Variants in KIFAP3 observed in about 807,000 individuals in gnomAD.
KIFAP3 encodes kinesin-associated protein 3.
In KIFAP3, 68 loss-of-function variants were observed where a neutral mutation model predicts 106.5. That is an observed-to-expected ratio of 0.64 (90% confidence interval 0.53 to 0.78). KIFAP3 has a LOEUF of 0.78. Among genes scored for constraint, KIFAP3 ranks in the 30% least tolerant of loss-of-function variants. The probability of loss-of-function intolerance (pLI) is 0.00; values close to 1 mark genes in which losing one functional copy is unlikely to be tolerated. For missense variants in KIFAP3, 780 were observed against 941.8 expected, an observed-to-expected ratio of 0.83 and a Z score of 2.25; for synonymous variants, 320 against 311.5, an observed-to-expected ratio of 1.03 and a Z score of -0.29.
At position 169,953,616 on chromosome 1, in the gene KIFAP3, G is replaced by A. The variant is rs542696748; in HGVS notation, c.2273+395C>T. ...TGTAAGCTCCGCCTCCCGGGTTCAC[G>A]CCATTCTCCCGCCTCAGCCTCCTGA... On this transcript the variant is annotated intron_variant, in intron 19 of 19. Coordinates refer to ENST00000361580, the MANE Select transcript of KIFAP3 (RefSeq NM_014970.4). 9.2e-5 allele frequency among the ~76,000 whole-genome samples: 14 copies of A among 152,184 alleles called. No homozygotes were observed. The East Asian group carries it at 1.2e-3, about 13-fold the overall frequency.
intron 7 of KIFAP3, 60 bp downstream of exon 7, chr1:170,034,312 C>A: frequency 6.6e-7 from 1 of 1,507,794 alleles, no homozygotes; most frequent in South Asian, 1.3e-5. Context: ...AACCATCCCA[C>A]CCATCCAAAA....
chr1:170,057,350 A>G (rs1265922660), intron 1 of KIFAP3, among the ~76,000 whole-genome samples: 1 of 150,522 alleles, frequency 6.6e-6, no homozygotes. Context: ...ATGCCTCACC[A>G]CTCCTTTTTA....
intron 17 of KIFAP3, among the ~76,000 whole-genome samples, chr1:169,965,192 T>A (rs1286171512): frequency 6.6e-6 from 1 of 152,074 alleles, no homozygotes; most frequent in African/African-American, 2.4e-5. Context: ...TTGAATGTTA[T>A]TTTTTTAAAG....
At chr1:170,066,105 C>T (rs1671429880) in intron 1 of KIFAP3, among the ~76,000 whole-genome samples, 2 of 144,836 alleles carry the variant, frequency 1.4e-5, no homozygotes, top group African/African-American at 2.5e-5. Context: ...TTTTAGTTAC[C>T]TTTTTTTTTT....
At chr1:170,003,669 T>G (rs867923918) in intron 10 of KIFAP3, among the ~76,000 whole-genome samples, 2 of 152,326 alleles carry the variant, frequency 1.3e-5, no homozygotes, top group South Asian at 4.1e-4. Context: ...TTCCTTCAGC[T>G]GTGGTGGGCT....
Position 169,992,235 on chromosome 1 carries a change from T to C in KIFAP3, c.1204A>G (p.Ile402Val), listed in dbSNP as rs1210350869. The change falls in exon 11 of 20, where the codon ATA (isoleucine) becomes GTA (valine). Residue 402 changes from isoleucine to valine, a missense_variant. Ile to Val is a conservative substitution (Grantham distance 29). This residue lies in a region of KIFAP3 where 588 missense variants were observed against 678.9 expected (regional missense o/e 0.87). Coordinates refer to ENST00000361580, the MANE Select transcript of KIFAP3 (RefSeq NM_014970.4). ...ATGTGGTAAAGAACACACATTGCTATTTGTTTGTAGTTGTCATTGCCTAGG... is the reference window on the plus strand; with the variant it reads ...ATGTGGTAAAGAACACACATTGCTACTTGTTTGTAGTTGTCATTGCCTAGG... ...ALLGNDNYKQ[I>V]AMCVLYHISM... 6.3e-7 allele frequency: 1 copy of C among 1,577,224 alleles called. No individual in the cohort carries two copies. The highest frequency in any genetic ancestry group is 8.6e-7 in the Non-Finnish European group (1 of 1,163,138).
intron 19 of KIFAP3, among the ~76,000 whole-genome samples, chr1:169,952,460 CAT>C (rs1664775916): frequency 6.6e-6 from 1 of 151,894 alleles, no homozygotes; most frequent in Non-Finnish European, 1.5e-5. Flanking sequence ...AAACAGTTTA[CAT>C]ATATATGTAT....
intron 19 of KIFAP3, among the ~76,000 whole-genome samples, chr1:169,926,921 G>A (rs1663171475): frequency 6.6e-6 from 1 of 152,122 alleles, no homozygotes; most frequent in Admixed American, 6.5e-5. Context: ...AATTTAACAT[G>A]AGCTGTTATA....
chr1:169,923,330 A>C (rs1186113129), intron 19 of KIFAP3, among the ~76,000 whole-genome samples: 1 of 152,198 alleles, frequency 6.6e-6, no homozygotes, highest in Non-Finnish European at 1.5e-5. Flanking sequence ...AGGTAGCTTA[A>C]AAGATGCTTC....
intron 2 of KIFAP3, among the ~76,000 whole-genome samples, chr1:170,051,785 T>C (rs1338960207): frequency 1.3e-5 from 2 of 152,184 alleles, no homozygotes; most frequent in Admixed American, 6.5e-5. Flanking sequence ...AAAGAAGTTC[T>C]TTGAAACCAA....
At chr1:170,023,597 A>T (rs2102021087) in intron 9 of KIFAP3, among the ~76,000 whole-genome samples, 1 of 152,246 alleles carries the variant, frequency 6.6e-6, no homozygotes, top group East Asian at 1.9e-4. Flanking sequence ...TGTAATAGAT[A>T]AAATTGTAAA....
chr1:169,946,905 T>G (rs1178872613), intron 19 of KIFAP3, among the ~76,000 whole-genome samples: 2 of 151,888 alleles, frequency 1.3e-5, no homozygotes, highest in Non-Finnish European at 2.9e-5. Flanking sequence ...AGATCAAGAC[T>G]CTTATACTAT....
At chr1:169,998,889 G>A (rs868841215) in intron 10 of KIFAP3, among the ~76,000 whole-genome samples, 58 of 152,096 alleles carry the variant, frequency 3.8e-4, no homozygotes, top group African/African-American at 1.2e-3. Flanking sequence ...ATAACTTCAC[G>A]GCATCTAGCA....
At chr1:170,063,212 G>A (rs928072922) in intron 1 of KIFAP3, among the ~76,000 whole-genome samples, 15 of 152,128 alleles carry the variant, frequency 9.9e-5, no homozygotes, top group Non-Finnish European at 1.8e-4. Flanking sequence ...CTGCTCCAGA[G>A]GTCACAAGAT....
chr1:169,948,204 CAGGTGTTT>C (rs1483892714), intron 19 of KIFAP3, among the ~76,000 whole-genome samples: 2 of 151,758 alleles, frequency 1.3e-5, no homozygotes, highest in Middle Eastern at 3.2e-3. Context: ...AATTCTACAA[CAGGTGTTT>C]AGGAGTGCTG....
chr1:169,925,682 T>G (rs1663095086), intron 19 of KIFAP3, among the ~76,000 whole-genome samples: 1 of 152,076 alleles, frequency 6.6e-6, no homozygotes, highest in Non-Finnish European at 1.5e-5. Context: ...TGCAGCACAT[T>G]ACAAGGGAAT....
intron 10 of KIFAP3, among the ~76,000 whole-genome samples, chr1:169,996,209 G>A (rs1253914909): frequency 6.6e-6 from 1 of 151,856 alleles, no homozygotes; most frequent in Non-Finnish European, 1.5e-5. Flanking sequence ...AAAGTTCCTT[G>A]CAGTTCTCCC....
chr1:169,959,424 T>C lies in KIFAP3; in HGVS notation c.2173+1622A>G, dbSNP rs889882555. Among the ~76,000 whole-genome samples the C allele has an allele frequency of 3.3e-5, 5 of 152,318 alleles. No homozygotes were observed. The East Asian group carries it at 7.7e-4, about 23-fold the overall frequency. ...AATTTCTACTGTCAAATGTCTATCA[T>C]ATCATCAGGCTATAGATTAAAAAAA... On this transcript the variant is annotated intron_variant, in intron 18 of 19. Transcript: ENST00000361580.
intron 3 of KIFAP3, among the ~76,000 whole-genome samples, chr1:170,043,307 T>C (rs1022537759): frequency 1.3e-5 from 2 of 152,106 alleles, no homozygotes; most frequent in Non-Finnish European, 2.9e-5. Context: ...TATTAAACAA[T>C]TGCAAATGGT....
Sources: gnomAD v4.1 joint callset for allele counts (sites outside exome capture counted in the v4.1 genomes callset) on GRCh38, gnomAD v4.1.1 for gene constraint, gnomAD v4.1.1 regional missense constraint, MANE v1.5 for transcripts, NCBI Gene and HGNC (gene_info 2026-07-23, HGNC 2026-07-21) for gene names.